PPP2R2B: variants seen among roughly 807,000 people sequenced by gnomAD.
PPP2R2B encodes the protein protein phosphatase 2 regulatory subunit Bbeta.
Under a neutral mutation model 46.0 loss-of-function variants are expected in PPP2R2B, and 5 were observed. That is an observed-to-expected ratio of 0.11 (90% CI 0.06 to 0.23). The LOEUF (loss-of-function observed/expected upper bound fraction) is 0.23, where lower values mean the gene tolerates loss of function less well. Ranked by LOEUF, PPP2R2B falls within the 10% of genes least tolerant of loss-of-function variation. The pLI is 1.00. For synonymous variants in PPP2R2B, 215 were observed against 206.7 expected (o/e 1.04, Z -0.34); for missense variants, 367 against 575.0 (o/e 0.64, Z 3.70).
intron 1 of PPP2R2B, among the ~76,000 whole-genome samples, chr5:146,936,805 A>AG (rs1244807822): frequency 6.6e-6 from 1 of 151,822 alleles, no homozygotes; most frequent in Non-Finnish European, 1.5e-5. Context: ...AATAAAAGAC[A>AG]TACTCTAAGC....
chr5:147,024,901 TAAG>T (rs376906022), intron 1 of PPP2R2B, among the ~76,000 whole-genome samples: 33 of 151,638 alleles, frequency 2.2e-4, no homozygotes, highest in African/African-American at 7.0e-4. Context: ...TCTACCACCA[TAAG>T]AATACGGAAA....
At chr5:146,897,581 T>C (rs1296657543) in intron 1 of PPP2R2B, among the ~76,000 whole-genome samples, 1 of 152,160 alleles carries the variant, frequency 6.6e-6, no homozygotes, top group African/African-American at 2.4e-5. Context: ...CACATATGAC[T>C]TGGCAATGGA....
chr5:146,713,152 G>A (rs1413716110), intron 2 of PPP2R2B, among the ~76,000 whole-genome samples: 1 of 152,202 alleles, frequency 6.6e-6, no homozygotes, highest in Non-Finnish European at 1.5e-5. Flanking sequence ...CAGACTTCAT[G>A]GGGGAGACTT....
At chr5:146,623,206 C>T (rs1773822982) in intron 7 of PPP2R2B, among the ~76,000 whole-genome samples, 1 of 152,194 alleles carries the variant, frequency 6.6e-6, no homozygotes, top group African/African-American at 2.4e-5. Context: ...CTGAAAAATG[C>T]TACGCGTCAG....
chr5:146,854,543 G>A (rs572611750), intron 2 of PPP2R2B, among the ~76,000 whole-genome samples: 1 of 152,168 alleles, frequency 6.6e-6, no homozygotes, highest in South Asian at 2.1e-4. Flanking sequence ...CCGTATATTT[G>A]TACCCATTGA....
At chr5:146,915,473 C>CAT (rs397883054) in intron 1 of PPP2R2B, among the ~76,000 whole-genome samples, 2 of 146,070 alleles carry the variant, frequency 1.4e-5, no homozygotes, top group African/African-American at 4.9e-5. Flanking sequence ...CACACACACA[C>CAT]GTACACATGT....
At chr5:146,663,608 A>C (rs563043631) in intron 5 of PPP2R2B, among the ~76,000 whole-genome samples, 1 of 152,216 alleles carries the variant, frequency 6.6e-6, no homozygotes, top group Non-Finnish European at 1.5e-5. Flanking sequence ...TGCTTATACT[A>C]TACTGTAGTC....
chr5:146,720,541 C>T (rs942610207), intron 2 of PPP2R2B, among the ~76,000 whole-genome samples: 4 of 152,102 alleles, frequency 2.6e-5, no homozygotes, highest in Non-Finnish European at 4.4e-5. Flanking sequence ...GGGAAGATGT[C>T]GAACACTGTT....
chr5:146,834,377 A>G (rs939194672), intron 2 of PPP2R2B, among the ~76,000 whole-genome samples: 1 of 152,202 alleles, frequency 6.6e-6, no homozygotes, highest in African/African-American at 2.4e-5. Flanking sequence ...GTTCTGTCTG[A>G]ACCAAGAATC....
chr5:147,016,334 CA>C (rs1044779483), intron 1 of PPP2R2B, among the ~76,000 whole-genome samples: 134 of 142,380 alleles, frequency 9.4e-4, no homozygotes, highest in African/African-American at 8.9e-4. Flanking sequence ...GACTCTGTCT[CA>C]AAAAAAAAAA....
intron 1 of PPP2R2B, among the ~76,000 whole-genome samples, chr5:147,031,033 G>C (rs1405547507): frequency 1.3e-5 from 2 of 152,126 alleles, no homozygotes; most frequent in East Asian, 1.9e-4. Context: ...TCAGGAGATC[G>C]AGACCATCCT....
chr5:146,818,181 C>T (rs1485704356), intron 2 of PPP2R2B, among the ~76,000 whole-genome samples: 7 of 152,138 alleles, frequency 4.6e-5, no homozygotes, highest in African/African-American at 7.2e-5. Context: ...GATCAAAGTA[C>T]GTCTTTCCCG....
chr5:146,862,367 C>T (rs1410465122), intron 2 of PPP2R2B, among the ~76,000 whole-genome samples: 2 of 152,272 alleles, frequency 1.3e-5, no homozygotes, highest in African/African-American at 4.8e-5. Flanking sequence ...GATGTGGTCA[C>T]TGCCTTCTTG....
At chr5:147,038,686 T>C (rs1285607361) in intron 1 of PPP2R2B, among the ~76,000 whole-genome samples, 3 of 152,232 alleles carry the variant, frequency 2.0e-5, no homozygotes, top group Non-Finnish European at 2.9e-5. Flanking sequence ...ATTATCCCAG[T>C]TTATCATCAA....
chr5:146,878,594 G>A lies in PPP2R2B; in HGVS notation c.-128C>T, dbSNP rs1162563407. 4.1e-6 allele frequency: 5 copies of A among 1,234,140 alleles called. No individual in the cohort carries two copies. The highest frequency in any genetic ancestry group is 1.6e-5 in the African/African-American group (1 of 63,466). 76.4% of individuals were successfully genotyped at this position (1,234,140 alleles called of 1,614,324 possible). On this transcript the variant is annotated 5_prime_UTR_variant, in exon 1 of 10. Coordinates refer to ENST00000394411, the MANE Select transcript of PPP2R2B (RefSeq NM_181675.4). The surrounding 1 kb of genome is among the most constrained non-coding windows in gnomAD (Gnocchi z 4.5). Reference sequence around the variant, plus strand: ...CAGGGACAGGATTCAGGCTTGCCTGGCCGGAATGAGGGTGCTGGTCCCACG... The same window carrying A: ...CAGGGACAGGATTCAGGCTTGCCTGACCGGAATGAGGGTGCTGGTCCCACG...
At chr5:146,950,419 T>C (rs932758254) in intron 1 of PPP2R2B, among the ~76,000 whole-genome samples, 13 of 152,014 alleles carry the variant, frequency 8.6e-5, no homozygotes, top group African/African-American at 2.9e-4. Context: ...GTTCTACTTA[T>C]CCAAAATTAT....
intron 7 of PPP2R2B, among the ~76,000 whole-genome samples, chr5:146,617,442 C>T (rs535659611): frequency 4.9e-4 from 75 of 152,226 alleles, no homozygotes; most frequent in African/African-American, 1.7e-3. Context: ...TTACTCATTG[C>T]ATGTGTGAAT....
At chr5:146,943,602 A>T (rs1375219810) in intron 1 of PPP2R2B, among the ~76,000 whole-genome samples, 1 of 152,156 alleles carries the variant, frequency 6.6e-6, no homozygotes, top group Non-Finnish European at 1.5e-5. Flanking sequence ...AGTAGTTGAA[A>T]TTACTTGCCA....
chr5:146,750,387 G>A (rs1452833734), intron 2 of PPP2R2B, among the ~76,000 whole-genome samples: 1 of 152,190 alleles, frequency 6.6e-6, no homozygotes, highest in Non-Finnish European at 1.5e-5. Flanking sequence ...AATTTGGGAA[G>A]AATTAACATC....
Sources: allele counts gnomAD v4.1 joint callset (sites outside exome capture counted in the v4.1 genomes callset), GRCh38; gene constraint gnomAD v4.1.1; non-coding constraint Gnocchi (gnomAD v3.1); transcripts MANE v1.5; gene names NCBI Gene and HGNC (gene_info 2026-07-23, HGNC 2026-07-21).